The following ARHGAP6 variants were observed in gnomAD, a reference collection of about 807,000 sequenced individuals.
ARHGAP6 encodes the protein Rho GTPase activating protein 6, also known as rho GTPase-activating protein 6.
In ARHGAP6, 16 loss-of-function variants were observed where a neutral mutation model predicts 55.7. That is an observed-to-expected ratio of 0.29 (90% CI 0.19 to 0.44). The LOEUF (loss-of-function observed/expected upper bound fraction) is 0.44. Ranked by LOEUF, ARHGAP6 falls within the 20% of genes least tolerant of loss-of-function variation. The pLI, the probability that ARHGAP6 is intolerant of heterozygous loss-of-function variation, is 1.00. For missense variants in ARHGAP6, 698 were observed against 808.9 expected (o/e 0.86, Z 1.66); for synonymous variants, 382 against 360.9 (o/e 1.06, Z -0.66).
At chrX:11,188,635 T>C (rs2046416233) in intron 4 of ARHGAP6, 93 bp downstream of exon 4, 2 of 1,096,821 alleles carry the variant, frequency 1.8e-6, no homozygotes, top group Non-Finnish European at 2.4e-6. Context: ...ACCAACTACA[T>C]ATCCAGTTTT....
chrX:11,482,421 C>T (rs1213672363), intron 1 of ARHGAP6, among the ~76,000 whole-genome samples: 1 of 111,833 alleles, frequency 8.9e-6, no homozygotes, highest in Non-Finnish European at 1.9e-5. Context: ...TAAGACCTCT[C>T]CTGGAGGCAC....
chrX:11,183,411 T>C (rs1268101857), intron 5 of ARHGAP6, among the ~76,000 whole-genome samples: 1 of 111,892 alleles, frequency 8.9e-6, no homozygotes, highest in South Asian at 3.7e-4. Context: ...CCTAGGATCA[T>C]GTCCTAGATG....
chrX:11,481,206 G>A (rs900860568), intron 1 of ARHGAP6, among the ~76,000 whole-genome samples: 1 of 111,057 alleles, frequency 9.0e-6, no homozygotes, highest in Non-Finnish European at 1.9e-5. Context: ...GGCTACTGTG[G>A]AATGCTGGAG....
chrX:11,392,393 C>T (rs2049417737), intron 1 of ARHGAP6, among the ~76,000 whole-genome samples: 1 of 111,306 alleles, frequency 9.0e-6, no homozygotes, highest in African/African-American at 3.3e-5. Flanking sequence ...CTGTTTATCA[C>T]GAGTTAATTA....
intron 1 of ARHGAP6, among the ~76,000 whole-genome samples, chrX:11,302,387 C>A (rs1161073684): frequency 1.8e-5 from 2 of 112,025 alleles, no homozygotes; most frequent in African/African-American, 6.5e-5. Flanking sequence ...CTACCCACAG[C>A]AAGTTGTTCC....
chrX:11,412,350 C>T (rs1237905994), intron 1 of ARHGAP6, among the ~76,000 whole-genome samples: 1 of 111,915 alleles, frequency 8.9e-6, no homozygotes, highest in Non-Finnish European at 1.9e-5. Context: ...CACTTTAGAA[C>T]ACATATTGTT....
chrX:11,222,775 A>T (rs2046990373), intron 2 of ARHGAP6, among the ~76,000 whole-genome samples: 1 of 112,135 alleles, frequency 8.9e-6, no homozygotes, highest in Admixed American at 9.5e-5. Context: ...TATGTGCTTT[A>T]CTTAATGAGT....
intron 1 of ARHGAP6, among the ~76,000 whole-genome samples, chrX:11,493,744 C>T (rs1218406208): frequency 9.0e-6 from 1 of 110,689 alleles, no homozygotes; most frequent in Non-Finnish European, 1.9e-5. Context: ...AAGACCTGGG[C>T]TCTACATTCA....
chrX:11,596,380 C>T lies in ARHGAP6; in HGVS notation c.588+67861G>A, dbSNP rs1319451582. Among the ~76,000 whole-genome samples the T allele has an allele frequency of 2.7e-5, 3 of 111,049 alleles. No homozygotes were observed. The East Asian group carries it at 8.5e-4, about 31-fold the overall frequency. ...AAGTGGGAGTTGAACAATGAGAACA[C>T]ATGGACATAGGGAGGGGAACATCAC... On this transcript the variant is annotated intron_variant, in intron 1 of 12. Coordinates refer to ENST00000337414, the MANE Select transcript of ARHGAP6 (RefSeq NM_013427.3).
chrX:11,526,190 A>C (rs773732611), intron 1 of ARHGAP6, among the ~76,000 whole-genome samples: 5 of 111,366 alleles, frequency 4.5e-5, no homozygotes, highest in Non-Finnish European at 9.4e-5. Flanking sequence ...TGAGCTGGTG[A>C]CTACTGTGGG....
At chrX:11,427,835 AGGAGG>A (rs1569340669) in intron 1 of ARHGAP6, 5 of 436,546 alleles carry the variant, frequency 1.1e-5, no homozygotes, top group Non-Finnish European at 1.4e-5. Context: ...GAGGAGGAGG[AGGAGG>A]AGGAGGAGGA....
At chrX:11,521,035 T>G (rs1206549818) in intron 1 of ARHGAP6, among the ~76,000 whole-genome samples, 94 of 112,082 alleles carry the variant, frequency 8.4e-4, no homozygotes, top group Non-Finnish European at 1.6e-3. Context: ...TTTGTTTGAG[T>G]TCTTTGTAGA....
chrX:11,571,851 G>T (rs1240133152), intron 1 of ARHGAP6, among the ~76,000 whole-genome samples: 1 of 109,531 alleles, frequency 9.1e-6, no homozygotes, highest in Non-Finnish European at 1.9e-5. Flanking sequence ...TTGCATCACT[G>T]TACTCCAGCC....
intron 1 of ARHGAP6, among the ~76,000 whole-genome samples, chrX:11,388,158 A>G (rs2049354905): frequency 8.9e-6 from 1 of 112,199 alleles, no homozygotes; most frequent in Non-Finnish European, 1.9e-5. Context: ...GAACTAGTTT[A>G]CAGTCCCACC....
intron 9 of ARHGAP6, among the ~76,000 whole-genome samples, chrX:11,160,774 G>C (rs2045933066): frequency 9.0e-6 from 1 of 111,532 alleles, no homozygotes; most frequent in South Asian, 3.7e-4. Flanking sequence ...ACTCTTACTT[G>C]GTAACAAATG....
chrX:11,341,922 A>T (rs1447325553), intron 1 of ARHGAP6, among the ~76,000 whole-genome samples: 4 of 111,451 alleles, frequency 3.6e-5, no homozygotes, highest in African/African-American at 1.3e-4. Context: ...AAGTAAGCAC[A>T]TGACATACGA....
At chrX:11,515,808 C>T (rs1336388069) in intron 1 of ARHGAP6, among the ~76,000 whole-genome samples, 1 of 112,280 alleles carries the variant, frequency 8.9e-6, no homozygotes, top group East Asian at 2.8e-4. Context: ...TTTAGTTGAG[C>T]TTTATCTCAA....
At chrX:11,335,162 G>A in intron 1 of ARHGAP6, 1 of 143,244 alleles carries the variant, frequency 7.0e-6, no homozygotes, top group Non-Finnish European at 1.5e-5. Context: ...CTCACCCAAG[G>A]CTGGTTCTGC....
chrX:11,553,345 G>A (rs1420555087), intron 1 of ARHGAP6, among the ~76,000 whole-genome samples: 37 of 109,938 alleles, frequency 3.4e-4, no homozygotes, highest in Non-Finnish European at 7.6e-5. Context: ...GGGCTCAAGC[G>A]ATCCTCTGAC....
Sources: allele counts gnomAD v4.1 joint callset (sites outside exome capture counted in the v4.1 genomes callset), GRCh38; gene constraint gnomAD v4.1.1; transcripts MANE v1.5; gene names NCBI Gene and HGNC (gene_info 2026-07-23, HGNC 2026-07-21).